The following PLA2G4A variants were observed in gnomAD, a reference collection of about 807,000 sequenced individuals.
PLA2G4A encodes phospholipase A2 group IVA.
In PLA2G4A, 40 loss-of-function variants were observed where a neutral mutation model predicts 81.9. The ratio of observed to expected loss-of-function variants is 0.49; its 90% confidence interval spans 0.38 to 0.64. The LOEUF (loss-of-function observed/expected upper bound fraction) is 0.64. Among genes scored for constraint, PLA2G4A ranks in the 30% least tolerant of loss-of-function variants. The pLI is 0.00. For missense variants in PLA2G4A, 715 were observed against 905.1 expected (o/e 0.79, Z 2.69); for synonymous variants, 302 against 296.9 (o/e 1.02, Z -0.18).
chr1:186,885,359 C>T (rs1254726770), intron 3 of PLA2G4A, among the ~76,000 whole-genome samples: 1 of 152,074 alleles, frequency 6.6e-6, no homozygotes, highest in Non-Finnish European at 1.5e-5. Flanking sequence ...AGTTGGGAGC[C>T]TTAGAGTGGG....
At chr1:186,973,951 T>C (rs1006484424) in intron 15 of PLA2G4A, among the ~76,000 whole-genome samples, 1 of 152,092 alleles carries the variant, frequency 6.6e-6, no homozygotes, top group African/African-American at 2.4e-5. Flanking sequence ...TTTTATGTAA[T>C]GAGAAACATT....
intron 1 of PLA2G4A, among the ~76,000 whole-genome samples, chr1:186,847,830 C>T (rs542840168): frequency 1.3e-4 from 20 of 152,060 alleles, no homozygotes; most frequent in East Asian, 1.2e-3. Flanking sequence ...CCACTGAGAA[C>T]GCTCATCAGA....
chr1:186,945,070 T>G (rs1656290156), intron 10 of PLA2G4A, among the ~76,000 whole-genome samples: 1 of 151,974 alleles, frequency 6.6e-6, no homozygotes, highest in Admixed American at 6.6e-5. Context: ...TGAAGTGGGT[T>G]AGAGAATTAT....
At chr1:186,982,055 C>CAGAT (rs1419259865) in intron 17 of PLA2G4A, among the ~76,000 whole-genome samples, 1 of 152,164 alleles carries the variant, frequency 6.6e-6, no homozygotes, top group Non-Finnish European at 1.5e-5. Flanking sequence ...AAGCCAATAT[C>CAGAT]AGATAGACTG....
intron 3 of PLA2G4A, among the ~76,000 whole-genome samples, chr1:186,878,049 T>A (rs946218282): frequency 1.3e-5 from 2 of 148,518 alleles, no homozygotes; most frequent in African/African-American, 4.9e-5. Context: ...ATAAATGACA[T>A]TGCTGTTGGT....
rs564970103 is a variant in PLA2G4A, at chr1:186,921,810, C to T, written c.558+10421C>T. On this transcript the variant is annotated intron_variant, in intron 7 of 17. Transcript: ENST00000367466. ...GAGAACCTTCCTTAACTAACTGTCC[C>T]TTTGCTACTAGTACTGCTGCTGCCT... 3.3e-5 allele frequency among the ~76,000 whole-genome samples: 5 copies of T among 152,220 alleles called. No homozygotes were observed. The South Asian group carries it at 1.0e-3, about 32-fold the overall frequency.
intron 3 of PLA2G4A, among the ~76,000 whole-genome samples, chr1:186,873,814 C>A (rs1653372483): frequency 6.6e-6 from 1 of 152,010 alleles, no homozygotes; most frequent in African/African-American, 2.4e-5. Context: ...TCCTTGTTTT[C>A]ACTTGAGGGC....
chr1:186,892,937 C>G, intron 3 of PLA2G4A, 74 bp from the exon 4 acceptor site: 1 of 1,026,692 alleles, frequency 9.7e-7, no homozygotes, highest in Non-Finnish European at 1.5e-6. Flanking sequence ...AAACTGACAA[C>G]ATATATTAAT....
intron 6 of PLA2G4A, among the ~76,000 whole-genome samples, chr1:186,908,746 A>G (rs1044272991): frequency 6.6e-6 from 1 of 151,924 alleles, no homozygotes. Flanking sequence ...TTCTCAAAAA[A>G]AAGTGTTCAC....
At chr1:186,983,152 G>T (rs945606095) in intron 17 of PLA2G4A, among the ~76,000 whole-genome samples, 1 of 151,628 alleles carries the variant, frequency 6.6e-6, no homozygotes, top group Non-Finnish European at 1.5e-5. Flanking sequence ...TTTTGTAAAT[G>T]ATGGTACTTA....
At chr1:186,978,528 A>C (rs201890072) in intron 16 of PLA2G4A, among the ~76,000 whole-genome samples, 1 of 152,178 alleles carries the variant, frequency 6.6e-6, no homozygotes, top group East Asian at 1.9e-4. Context: ...AATTGATAGG[A>C]GTGAAGATTA....
chr1:186,862,494 G>C (rs908003369), intron 2 of PLA2G4A, among the ~76,000 whole-genome samples: 1 of 152,122 alleles, frequency 6.6e-6, no homozygotes, highest in African/African-American at 2.4e-5. Context: ...TTACAGGCCT[G>C]AGCCATCGCG....
At chr1:186,835,667 CAAAG>C (rs1651753358) in intron 1 of PLA2G4A, among the ~76,000 whole-genome samples, 1 of 152,108 alleles carries the variant, frequency 6.6e-6, no homozygotes, top group African/African-American at 2.4e-5. Context: ...ACTTAGATCT[CAAAG>C]AGAGAACACT....
chr1:186,982,592 A>T (rs1657756558), intron 17 of PLA2G4A, among the ~76,000 whole-genome samples: 1 of 152,118 alleles, frequency 6.6e-6, no homozygotes, highest in African/African-American at 2.4e-5. Context: ...GTCAGTATAT[A>T]TTTTCTGAAT....
At chr1:186,984,621 G>A (rs911329756) in intron 17 of PLA2G4A, among the ~76,000 whole-genome samples, 1 of 152,148 alleles carries the variant, frequency 6.6e-6, no homozygotes, top group African/African-American at 2.4e-5. Flanking sequence ...ATAAGGGTGT[G>A]TAGGTACAAG....
At chr1:186,845,237 C>G (rs1266123214) in intron 1 of PLA2G4A, among the ~76,000 whole-genome samples, 4 of 151,808 alleles carry the variant, frequency 2.6e-5, no homozygotes, top group Non-Finnish European at 5.9e-5. Flanking sequence ...AACAAAAACT[C>G]TCTATAGAAT....
chr1:186,832,685 T>C (rs1308736606), intron 1 of PLA2G4A, among the ~76,000 whole-genome samples: 2 of 152,210 alleles, frequency 1.3e-5, no homozygotes, highest in African/African-American at 2.4e-5. Flanking sequence ...ATGTCTATGT[T>C]TGTGAATTGT....
intron 15 of PLA2G4A, among the ~76,000 whole-genome samples, chr1:186,966,214 G>A (rs1657125130): frequency 6.6e-6 from 1 of 151,854 alleles, no homozygotes; most frequent in Non-Finnish European, 1.5e-5. Context: ...GAGGAAAACT[G>A]TGTGTGTGGG....
chr1:186,932,929 T>C (rs767904469), intron 8 of PLA2G4A, 30 bp downstream of exon 8: 3 of 1,500,326 alleles, frequency 2.0e-6, no homozygotes, highest in African/African-American at 1.4e-5. Context: ...TTTAGTTTTA[T>C]AACTTTAAAT....
Sources: allele counts gnomAD v4.1 joint callset (sites outside exome capture counted in the v4.1 genomes callset), GRCh38; gene constraint gnomAD v4.1.1; transcripts MANE v1.5; gene names NCBI Gene and HGNC (gene_info 2026-07-23, HGNC 2026-07-21).